NUDCD3: variants seen among roughly 807,000 people sequenced by gnomAD.
The protein encoded by NUDCD3 is NudC domain containing 3.
Under a neutral mutation model 39.7 loss-of-function variants are expected in NUDCD3, and 13 were observed. That is an observed-to-expected ratio of 0.33 (90% CI 0.21 to 0.52). NUDCD3 has a LOEUF of 0.52. Among genes scored for constraint, NUDCD3 ranks in the 20% least tolerant of loss-of-function variants. The pLI is 0.96. For synonymous variants in NUDCD3, 175 were observed against 172.4 expected (o/e 1.02, Z -0.12); for missense variants, 453 against 458.1 (o/e 0.99, Z 0.10).
intron 2 of NUDCD3, among the ~76,000 whole-genome samples, chr7:44,478,865 T>C (rs192548568): frequency 1.8e-4 from 27 of 152,286 alleles, no homozygotes; most frequent in Non-Finnish European, 2.5e-4. Context: ...CTGGCACCAA[T>C]GGAAATGTCA....
intron 3 of NUDCD3, among the ~76,000 whole-genome samples, chr7:44,406,257 GA>G (rs1798818380): frequency 6.6e-6 from 1 of 152,230 alleles, no homozygotes; most frequent in East Asian, 1.9e-4. Flanking sequence ...ATCCTCTCAT[GA>G]GATCGCAGTT....
At chr7:44,429,734 C>T (rs886329131) in intron 2 of NUDCD3, among the ~76,000 whole-genome samples, 1 of 151,970 alleles carries the variant, frequency 6.6e-6, no homozygotes, top group Admixed American at 6.6e-5. Context: ...CTCACACAGG[C>T]GGGCCACTGT....
intron 2 of NUDCD3, among the ~76,000 whole-genome samples, chr7:44,469,817 C>A (rs994075316): frequency 6.8e-6 from 1 of 146,150 alleles, no homozygotes; most frequent in African/African-American, 2.5e-5. Context: ...TAATGAGGGA[C>A]ATTCCACGAA....
intron 5 of NUDCD3, among the ~76,000 whole-genome samples, chr7:44,391,905 T>C (rs1798524085): frequency 6.6e-6 from 1 of 152,132 alleles, no homozygotes; most frequent in Non-Finnish European, 1.5e-5. Context: ...CTCTGCAATC[T>C]GGCTCCCTCC....
intron 2 of NUDCD3, among the ~76,000 whole-genome samples, chr7:44,476,337 T>C (rs1210281651): frequency 1.3e-5 from 2 of 152,132 alleles, no homozygotes; most frequent in Non-Finnish European, 2.9e-5. Context: ...CCCTCCAAAA[T>C]TCATGTTAAA....
chr7:44,446,684 G>A (rs906480097), intron 2 of NUDCD3, among the ~76,000 whole-genome samples: 1 of 152,164 alleles, frequency 6.6e-6, no homozygotes, highest in African/African-American at 2.4e-5. Context: ...TGGGTAGGGG[G>A]CTGTCTGCGT....
At chr7:44,428,588 C>G (rs1377364430) in intron 2 of NUDCD3, among the ~76,000 whole-genome samples, 5 of 152,072 alleles carry the variant, frequency 3.3e-5, no homozygotes, top group African/African-American at 1.2e-4. Flanking sequence ...AAGACATAAG[C>G]AGTATGTTTA....
chr7:44,466,338 G>A (rs182504915), intron 2 of NUDCD3, among the ~76,000 whole-genome samples: 17 of 152,240 alleles, frequency 1.1e-4, no homozygotes, highest in Admixed American at 3.9e-4. Context: ...ACACTTCTGG[G>A]GCCACCATGC....
At chr7:44,479,737 G>A (rs901785880) in intron 2 of NUDCD3, among the ~76,000 whole-genome samples, 1 of 152,172 alleles carries the variant, frequency 6.6e-6, no homozygotes, top group African/African-American at 2.4e-5. Flanking sequence ...GTGCTTCTGT[G>A]TGGTCTTCTA....
chr7:44,402,887 A>T, intron 4 of NUDCD3: 2 of 314,392 alleles, frequency 6.4e-6, no homozygotes, highest in South Asian at 4.9e-5. Context: ...TGCATCACTC[A>T]TGCTCTCATA....
intron 2 of NUDCD3, among the ~76,000 whole-genome samples, chr7:44,462,086 T>C (rs1225554819): frequency 1.3e-5 from 2 of 152,188 alleles, no homozygotes; most frequent in African/African-American, 4.8e-5. Context: ...ATGCAAAGCA[T>C]ATTATCAAAC....
chr7:44,446,759 T>C (rs1799696470), intron 2 of NUDCD3, among the ~76,000 whole-genome samples: 1 of 152,186 alleles, frequency 6.6e-6, no homozygotes, highest in Non-Finnish European at 1.5e-5. Flanking sequence ...CAAAGGAGTA[T>C]TTTTGACTAA....
chr7:44,479,639 C>G (rs1318217342), intron 2 of NUDCD3, among the ~76,000 whole-genome samples: 1 of 152,026 alleles, frequency 6.6e-6, no homozygotes, highest in African/African-American at 2.4e-5. Flanking sequence ...CTGGTTAGAA[C>G]CGAAAAACAT....
At chr7:44,447,593 G>A (rs1373735160) in intron 2 of NUDCD3, among the ~76,000 whole-genome samples, 2 of 152,216 alleles carry the variant, frequency 1.3e-5, no homozygotes, top group Non-Finnish European at 2.9e-5. Context: ...CATCTTAGAA[G>A]CAGAGAGCCC....
rs566707895 is a variant in NUDCD3, at chr7:44,385,145, C to T, written c.*866G>A. 2 of 152,252 alleles carry T rather than the reference C, an allele frequency of 1.3e-5. No individual in the cohort carries two copies. The highest frequency in any genetic ancestry group is 4.8e-5 in the African/African-American group (2 of 41,440). 9.4% of individuals were successfully genotyped at this position (152,252 alleles called of 1,614,324 possible). Reference sequence around the variant, plus strand: ...CAGGACTTGTGGCTGTCGAGCTCTGCTGAGCTGATGGACATGCTGTGGTCT... The same window carrying T: ...CAGGACTTGTGGCTGTCGAGCTCTGTTGAGCTGATGGACATGCTGTGGTCT... On this transcript the variant is annotated 3_prime_UTR_variant, in exon 6 of 6. Transcript: ENST00000355451.
chr7:44,423,643 G>T (rs1182508624), intron 3 of NUDCD3, among the ~76,000 whole-genome samples: 2 of 152,012 alleles, frequency 1.3e-5, no homozygotes, highest in Admixed American at 1.3e-4. Context: ...AAATAAGAGA[G>T]GACACAAACA....
chr7:44,460,516 G>A (rs1340476381), intron 2 of NUDCD3, among the ~76,000 whole-genome samples: 1 of 151,906 alleles, frequency 6.6e-6, no homozygotes, highest in Non-Finnish European at 1.5e-5. Flanking sequence ...ACTCTACCAC[G>A]TGCCCTTTTT....
intron 2 of NUDCD3, among the ~76,000 whole-genome samples, chr7:44,440,621 A>G (rs531818916): frequency 4.6e-5 from 7 of 150,990 alleles, no homozygotes; most frequent in South Asian, 2.1e-4. Flanking sequence ...ACTCAAAGAG[A>G]GGGAAAGGGG....
At chr7:44,449,315 CA>C (rs1342517164) in intron 2 of NUDCD3, among the ~76,000 whole-genome samples, 1 of 152,170 alleles carries the variant, frequency 6.6e-6, no homozygotes, top group Admixed American at 6.5e-5. Flanking sequence ...CATCAAATAT[CA>C]GAGGAGATCA....
Sources: allele counts gnomAD v4.1 joint callset (sites outside exome capture counted in the v4.1 genomes callset), GRCh38; gene constraint gnomAD v4.1.1; transcripts MANE v1.5; gene names NCBI Gene and HGNC (gene_info 2026-07-23, HGNC 2026-07-21).